WSCD2: variants seen among roughly 807,000 people sequenced by gnomAD.
The protein encoded by WSCD2 is sialate:O-sulfotransferase 2.
WSCD2 carries 28 observed loss-of-function variants against 55.7 expected under a neutral mutation model. The ratio of observed to expected loss-of-function variants is 0.50; its 90% confidence interval spans 0.37 to 0.69. The LOEUF is 0.69. Among genes scored for constraint, WSCD2 ranks in the 30% least tolerant of loss-of-function variants. The pLI, the probability that WSCD2 is intolerant of heterozygous loss-of-function variation, is 0.00. For missense variants in WSCD2, 616 were observed against 762.1 expected (o/e 0.81, Z 2.26); for synonymous variants, 301 against 301.9 (o/e 1.00, Z 0.03).
At chr12:108,153,887 G>A (rs1878263319) in intron 1 of WSCD2, among the ~76,000 whole-genome samples, 1 of 152,124 alleles carries the variant, frequency 6.6e-6, no homozygotes, top group African/African-American at 2.4e-5. Flanking sequence ...TGAAGGGGAA[G>A]AGCGTGTCTC....
At chr12:108,135,025 C>T (rs1876024807) in intron 1 of WSCD2, among the ~76,000 whole-genome samples, 1 of 152,174 alleles carries the variant, frequency 6.6e-6, no homozygotes, top group African/African-American at 2.4e-5. Context: ...TGACATTTCC[C>T]CCCTTCACTC....
intron 1 of WSCD2, among the ~76,000 whole-genome samples, chr12:108,163,450 A>G (rs76182907): frequency 0.035 from 5,326 of 152,332 alleles, 317 homozygotes; most frequent in African/African-American, 0.12. Flanking sequence ...TTGAATAATC[A>G]TCCTCTGCCC....
chr12:108,180,059 A>G (rs1007869899), intron 1 of WSCD2, among the ~76,000 whole-genome samples: 1 of 151,514 alleles, frequency 6.6e-6, no homozygotes, highest in Non-Finnish European at 1.5e-5. Flanking sequence ...ACAAAAAAAA[A>G]AAAAAAAAGA....
At chr12:108,185,016 T>C (rs1029833909) in intron 1 of WSCD2, among the ~76,000 whole-genome samples, 1 of 152,138 alleles carries the variant, frequency 6.6e-6, no homozygotes, top group Admixed American at 6.5e-5. Context: ...CCATAAACTC[T>C]GTATCAGTTT....
intron 8 of WSCD2, chr12:108,244,454 G>A: frequency 1.4e-6 from 1 of 700,208 alleles, no homozygotes; most frequent in Non-Finnish European, 2.6e-6. Flanking sequence ...GGAGATACAG[G>A]AGGACAAATA....
intron 7 of WSCD2, among the ~76,000 whole-genome samples, chr12:108,234,538 C>T (rs944741386): frequency 6.6e-6 from 1 of 152,216 alleles, no homozygotes; most frequent in Non-Finnish European, 1.5e-5. Flanking sequence ...TTATGAGGCT[C>T]CATGCTGAGG....
intron 1 of WSCD2, among the ~76,000 whole-genome samples, chr12:108,170,870 T>G (rs1246296501): frequency 6.6e-6 from 1 of 152,168 alleles, no homozygotes; most frequent in Non-Finnish European, 1.5e-5. Context: ...TTCAGTCCTG[T>G]GGGCTTGCAG....
intron 1 of WSCD2, among the ~76,000 whole-genome samples, chr12:108,194,518 T>TTCC (rs1883633197): frequency 6.6e-6 from 1 of 152,182 alleles, no homozygotes; most frequent in Non-Finnish European, 1.5e-5. Context: ...TGACCTCCAT[T>TTCC]TCCTCATCTG....
At chr12:108,201,850 A>G (rs958772707) in intron 2 of WSCD2, among the ~76,000 whole-genome samples, 5 of 152,208 alleles carry the variant, frequency 3.3e-5, no homozygotes, top group Non-Finnish European at 7.3e-5. Context: ...TAAAGGAGGA[A>G]AAAAAACTGC....
intron 6 of WSCD2, among the ~76,000 whole-genome samples, chr12:108,228,354 C>G (rs138815712): frequency 6.6e-6 from 1 of 152,288 alleles, no homozygotes; most frequent in East Asian, 1.9e-4. Flanking sequence ...CAGTATCATC[C>G]CCACTTTACA....
chr12:108,224,751 T>G lies in WSCD2; in HGVS notation c.695T>G (p.Val232Gly). 9 of 1,612,828 alleles carry G rather than the reference T, an allele frequency of 5.6e-6. No individual in the cohort carries two copies. Among genetic ancestry groups the G allele is most frequent in the African/African-American group, 1.3e-5 (1 of 75,080 alleles). ...QESARRYGSA[V>G]FRGCFRRPDN... ...TCTGGCTCTTCAGATGGAAGTGCAG[T>G]GTTCCGGGGCTGCTTCCGCAGGCCC... The change falls in exon 5 of 9, where the codon GTG becomes GGG. Residue 232 changes from valine to glycine, a missense_variant. Val to Gly is a moderately radical substitution (Grantham distance 109, BLOSUM62 -3). This residue lies in a region of WSCD2 where 374 missense variants were observed against 467.4 expected (regional missense o/e 0.80). Coordinates refer to ENST00000547525, the MANE Select transcript of WSCD2 (RefSeq NM_014653.4).
chr12:108,187,973 G>A lies in WSCD2; in HGVS notation c.-551-7309G>A, dbSNP rs140185228. Among the ~76,000 whole-genome samples, 417 of 152,320 alleles carry A rather than the reference G, an allele frequency of 2.7e-3. 2 individuals are homozygous for A. Among genetic ancestry groups the A allele is most frequent in the Middle Eastern group, 6.8e-3 (2 of 294 alleles). Reference sequence around the variant, plus strand: ...GCTGTAAAGATTGCCCATGGAGCAAGAGGCACTAGAGTCATTACCCAGATA... The same window carrying A: ...GCTGTAAAGATTGCCCATGGAGCAAAAGGCACTAGAGTCATTACCCAGATA... On this transcript the variant is annotated intron_variant, in intron 1 of 8. Transcript: ENST00000547525.
intron 1 of WSCD2, among the ~76,000 whole-genome samples, chr12:108,182,453 A>G (rs1241623272): frequency 6.6e-5 from 10 of 152,196 alleles, no homozygotes; most frequent in Non-Finnish European, 1.0e-4. Context: ...ACCAAAAACT[A>G]TCTGAGACAG....
chr12:108,217,853 G>C (rs1887027293), intron 4 of WSCD2, among the ~76,000 whole-genome samples: 1 of 152,150 alleles, frequency 6.6e-6, no homozygotes, highest in South Asian at 2.1e-4. Context: ...AGAGCATTCA[G>C]TTTAGCCCTC....
rs1342015467 is a variant in WSCD2 at position 108,129,458 on chromosome 12, C to T, written c.-1020C>T. The T allele has an allele frequency of 6.6e-6, 1 of 151,530 alleles. No homozygotes were observed. The highest frequency in any genetic ancestry group is 1.5e-5 in the Non-Finnish European group (1 of 67,840). The allele number at this position is 151,530 out of a possible 1,614,324, so 9.4% of individuals were successfully genotyped here. Reference sequence around the variant, plus strand: ...CAGCCGGTGCCCTGCGCGCACCGGGCCCGGGCATCTCCATCCCCGGGGCGG... The same window carrying T: ...CAGCCGGTGCCCTGCGCGCACCGGGTCCGGGCATCTCCATCCCCGGGGCGG... On this transcript the variant is annotated 5_prime_UTR_variant, in exon 1 of 9. Transcript: ENST00000547525.
At chr12:108,166,208 G>A (rs889010601) in intron 1 of WSCD2, among the ~76,000 whole-genome samples, 1 of 152,102 alleles carries the variant, frequency 6.6e-6, no homozygotes, top group African/African-American at 2.4e-5. Context: ...TCATCTCTTT[G>A]AGCCTTAACT....
rs996352873 is a variant in WSCD2 at position 108,248,981 on chromosome 12, A to T, written c.*638A>T. 25 of 923,622 alleles carry T rather than the reference A, an allele frequency of 2.7e-5. No homozygotes were observed. The highest frequency in any genetic ancestry group is 6.2e-5 in the Admixed American group (1 of 16,214). The allele number at this position is 923,622 out of a possible 1,614,324, so 57.2% of individuals were successfully genotyped here. A position where few individuals can be genotyped will look rare whatever the true frequency, so the allele number is the denominator to read the frequency against. On this transcript the variant is annotated 3_prime_UTR_variant, in exon 9 of 9. Coordinates refer to ENST00000547525, the MANE Select transcript of WSCD2 (RefSeq NM_014653.4). This position sits in a 1 kb window ranked among gnomAD's most constrained non-coding sequence, Gnocchi z 4.3. Reference sequence around the variant, plus strand: ...ACCATGTGGGGCCATTGGTGTTATGAGCCCCCCAGGCCACACTGCTTCTCA... The same window carrying T: ...ACCATGTGGGGCCATTGGTGTTATGTGCCCCCCAGGCCACACTGCTTCTCA...
intron 8 of WSCD2, among the ~76,000 whole-genome samples, chr12:108,244,800 G>A (rs886245017): frequency 2.0e-5 from 3 of 152,136 alleles, no homozygotes; most frequent in African/African-American, 7.2e-5. Context: ...CCTGGTCCTG[G>A]AGTGAAAAGA....
rs780184510 is a variant in WSCD2 at position 108,195,905 on chromosome 12, C to T, written c.73C>T (p.Leu25Phe). The stretch of plus-strand genomic sequence containing the variant: ...TGTGCGCTTCTTTACCTTCCTGGCA[C>T]TCTACCTGACTGCTGGGAGCCTTGT... ...KPVRFFTFLA[L>F]YLTAGSLVFL... Residue 25 changes from leucine (L) to phenylalanine (F), a missense_variant, in exon 2 of 9, where the codon CTC becomes TTC. Physicochemically the swap from Leu to Phe is conservative, Grantham distance 22. Around this residue, in one of 3 missense-constraint regions of WSCD2, gnomAD observed 374 missense variants for 467.4 expected, o/e 0.80. Transcript: ENST00000547525. 9 of 1,614,046 alleles carry T rather than the reference C, an allele frequency of 5.6e-6. No homozygotes were observed. In the East Asian group the frequency reaches 8.9e-5, roughly 16 times the overall value.
Sources: allele counts gnomAD v4.1 joint callset (sites outside exome capture counted in the v4.1 genomes callset), GRCh38; gene constraint gnomAD v4.1.1; regional missense constraint gnomAD v4.1.1; non-coding constraint Gnocchi (gnomAD v3.1); transcripts MANE v1.5; gene names NCBI Gene and HGNC (gene_info 2026-07-23, HGNC 2026-07-21).